Variants in TEK observed in about 807,000 individuals in gnomAD.
TEK encodes TEK receptor tyrosine kinase.
A neutral mutation model predicts 131.8 loss-of-function variants in TEK; 43 were observed. The ratio of observed to expected loss-of-function variants is 0.33; its 90% CI spans 0.26 to 0.42. The LOEUF (loss-of-function observed/expected upper bound fraction) is 0.42. Ranked by LOEUF, TEK falls within the 10% of genes least tolerant of loss-of-function variation. The pLI is 1.00. For missense variants in TEK, 1,162 were observed against 1,384.4 expected, an observed-to-expected ratio of 0.84 and a Z score of 2.55; for synonymous variants, 580 against 491.6, an observed-to-expected ratio of 1.18 and a Z score of -2.38.
chr9:27,109,598 CTT>C lies in TEK; in HGVS notation c.10_11del (p.Leu4SerfsTer33). 6.2e-7 allele frequency: 1 copy of C among 1,614,140 alleles called. No individual in the cohort carries two copies. The highest frequency in any genetic ancestry group is 8.5e-7 in the Non-Finnish European group (1 of 1,180,010). ...GGAGAGATTTGGGGAAGCATGGACT[CTT>C]TAGCCAGCTTAGTTCTCTGTGGAGT... On this transcript the variant is annotated frameshift_variant, in exon 1 of 23. Coordinates refer to ENST00000380036, the MANE Select transcript of TEK (RefSeq NM_000459.5). LOFTEE classifies it high-confidence loss of function.
chr9:27,213,003 C>T (rs1317145343), intron 17 of TEK, 106 bp downstream of exon 17: 1 of 1,213,622 alleles, frequency 8.2e-7, no homozygotes, highest in Non-Finnish European at 1.2e-6. Context: ...TTAACTCCTT[C>T]TTAAAATCTC....
Position 27,197,446 on chromosome 9 carries a change from A to G in TEK, c.1756A>G (p.Ser586Gly), listed in dbSNP as rs763173969. ...VEVERRSVQKSDQQNIKVPGN... is the reference protein window; with the variant it reads ...VEVERRSVQKGDQQNIKVPGN... Reference sequence around the variant, plus strand: ...AGTGGAGAGAAGGTCTGTGCAAAAAAGTGATCAGCAGAATATTAAAGTTCC... The same window carrying G: ...AGTGGAGAGAAGGTCTGTGCAAAAAGGTGATCAGCAGAATATTAAAGTTCC... Residue 586 changes from serine to glycine, a missense_variant, in exon 12 of 23, where the codon AGT becomes GGT. Physicochemically the swap from Ser to Gly is moderately conservative, Grantham distance 56. This residue lies in a region of TEK where 477 missense variants were observed against 471.0 expected (regional missense o/e 1.01). Coordinates refer to ENST00000380036, the MANE Select transcript of TEK (RefSeq NM_000459.5). The G allele has an allele frequency of 1.4e-5, 23 of 1,613,936 alleles. 1 individual carries two copies. In the South Asian group the frequency reaches 2.1e-4, roughly 15 times the overall value.
chr9:27,215,399 G>A (rs1825784983), intron 18 of TEK, among the ~76,000 whole-genome samples: 1 of 152,096 alleles, frequency 6.6e-6, no homozygotes, highest in Non-Finnish European at 1.5e-5. Context: ...CACTCCTAGA[G>A]AACACAGTGG....
chr9:27,164,680 C>T (rs536159505), intron 2 of TEK, among the ~76,000 whole-genome samples: 1 of 152,106 alleles, frequency 6.6e-6, no homozygotes, highest in Non-Finnish European at 1.5e-5. Context: ...CAAGCATGTG[C>T]TACCATACCT....
chr9:27,202,822 C>T lies in TEK; in HGVS notation c.1912C>T (p.Leu638Phe), dbSNP rs779357479. 3 of 1,613,828 alleles carry T rather than the reference C, an allele frequency of 1.9e-6. No individual in the cohort carries two copies. The highest frequency in any genetic ancestry group is 2.5e-6 in the Non-Finnish European group (3 of 1,179,814). The change falls in exon 13 of 23, where the codon CTT becomes TTT. Residue 638 changes from leucine to phenylalanine, a missense_variant and splice_region_variant. Leu to Phe is a conservative substitution (Grantham distance 22, BLOSUM62 0). Around this residue, in one of 6 missense-constraint regions of TEK, gnomAD observed 477 missense variants for 471.0 expected, o/e 1.01. Transcript: ENST00000380036. ...DLTAWTLSDILPPQPENIKIS... is the reference protein window; with the variant it reads ...DLTAWTLSDIFPPQPENIKIS... ...TCTTTTTTCTTTTTAATTTCTAGTTCTTCCTCCTCAACCAGAAAACATCAA... is the reference window on the plus strand; with the variant it reads ...TCTTTTTTCTTTTTAATTTCTAGTTTTTCCTCCTCAACCAGAAAACATCAA...
intron 4 of TEK, 117 bp downstream of exon 4, chr9:27,169,746 G>A: frequency 1.4e-6 from 2 of 1,394,744 alleles, no homozygotes; most frequent in Non-Finnish European, 2.0e-6. Context: ...GCATTGGTTG[G>A]AGGTTGTATT....
chr9:27,201,265 A>G (rs1221593769), intron 12 of TEK, among the ~76,000 whole-genome samples: 1 of 152,188 alleles, frequency 6.6e-6, no homozygotes, highest in East Asian at 1.9e-4. Flanking sequence ...ATGCAAATTT[A>G]TGATTTTTAG....
chr9:27,201,508 A>T (rs1825212465), intron 12 of TEK, among the ~76,000 whole-genome samples: 1 of 152,142 alleles, frequency 6.6e-6, no homozygotes, highest in South Asian at 2.1e-4. Flanking sequence ...TATACAAAAG[A>T]CTTGGTACTG....
intron 8 of TEK, among the ~76,000 whole-genome samples, chr9:27,185,247 C>T (rs1450780790): frequency 6.6e-6 from 1 of 152,082 alleles, no homozygotes; most frequent in Non-Finnish European, 1.5e-5. Flanking sequence ...GTGTTTACCC[C>T]GTACTCCTAA....
chr9:27,226,596 G>T (rs113390316), intron 21 of TEK, among the ~76,000 whole-genome samples: 1 of 152,034 alleles, frequency 6.6e-6, no homozygotes, highest in African/African-American at 2.4e-5. Context: ...CTAGGGGAGG[G>T]ATAGCATTAG....
At chr9:27,137,708 T>G (rs1822530057) in intron 1 of TEK, among the ~76,000 whole-genome samples, 1 of 152,174 alleles carries the variant, frequency 6.6e-6, no homozygotes, top group African/African-American at 2.4e-5. Context: ...CTCTCAATTT[T>G]AGTTACAAAG....
At chr9:27,170,066 A>C (rs986430754) in intron 4 of TEK, among the ~76,000 whole-genome samples, 1 of 152,178 alleles carries the variant, frequency 6.6e-6, no homozygotes, top group African/African-American at 2.4e-5. Flanking sequence ...GGAAGCAAAC[A>C]CATCCTTCTT....
At chr9:27,138,247 T>C (rs1822578738) in intron 1 of TEK, among the ~76,000 whole-genome samples, 1 of 152,266 alleles carries the variant, frequency 6.6e-6, no homozygotes, top group Non-Finnish European at 1.5e-5. Context: ...GGGTTGCCGC[T>C]GCTGGCTCAG....
chr9:27,144,505 A>C (rs952906378), intron 1 of TEK, among the ~76,000 whole-genome samples: 2 of 152,162 alleles, frequency 1.3e-5, no homozygotes, highest in Non-Finnish European at 2.9e-5. Context: ...GACTCTTGAG[A>C]TATTTAGGCC....
Position 27,172,615 on chromosome 9 carries a change from G to C in TEK, c.629-1G>C. ...CACAGCCTTGTTTTCCTTAACAAAA[G>C]GATGTGAAGCCCAGAAGTGGGGACC... is the stretch of plus-strand genomic sequence containing the variant. On this transcript the variant is annotated splice_acceptor_variant, in intron 4 of 22. Transcript: ENST00000380036. LOFTEE classifies it high-confidence loss of function. The C allele has an allele frequency of 1.2e-6, 2 of 1,613,466 alleles. No individual in the cohort carries two copies. The highest frequency in any genetic ancestry group is 1.7e-6 in the Non-Finnish European group (2 of 1,179,518).
At chr9:27,116,619 A>G (rs914114243) in intron 1 of TEK, among the ~76,000 whole-genome samples, 2 of 152,120 alleles carry the variant, frequency 1.3e-5, no homozygotes, top group Non-Finnish European at 2.9e-5. Flanking sequence ...GGCTGCCCAC[A>G]TCTGAAGCTC....
At chr9:27,138,764 G>A (rs980027069) in intron 1 of TEK, among the ~76,000 whole-genome samples, 3 of 152,158 alleles carry the variant, frequency 2.0e-5, no homozygotes, top group Non-Finnish European at 2.9e-5. Context: ...AAACAGATGG[G>A]TCCAACTTTT....
At chr9:27,220,665 C>T (rs2131248372) in intron 21 of TEK, among the ~76,000 whole-genome samples, 1 of 152,302 alleles carries the variant, frequency 6.6e-6, no homozygotes. Context: ...TGAGCTGAAG[C>T]CTCACCTGGG....
intron 1 of TEK, among the ~76,000 whole-genome samples, chr9:27,128,255 T>G (rs2131055634): frequency 6.6e-6 from 1 of 152,340 alleles, no homozygotes; most frequent in Admixed American, 6.5e-5. Flanking sequence ...ATTTCTTGTT[T>G]TTGTCAGGTT....
Sources: allele counts gnomAD v4.1 joint callset (sites outside exome capture counted in the v4.1 genomes callset), GRCh38; gene constraint gnomAD v4.1.1; regional missense constraint gnomAD v4.1.1; transcripts MANE v1.5; gene names NCBI Gene and HGNC (gene_info 2026-07-23, HGNC 2026-07-21).